SNTG2: variants seen among roughly 807,000 people sequenced by gnomAD.
SNTG2 encodes the protein gamma-2-syntrophin.
A neutral mutation model predicts 70.9 loss-of-function variants in SNTG2; 74 were observed. That is an observed-to-expected ratio of 1.04 (90% CI 0.86 to 1.27). The LOEUF is 1.27. Among genes scored for constraint, SNTG2 ranks in the 50% most tolerant of loss-of-function variants. SNTG2 has a pLI of 0.00. For synonymous variants in SNTG2, 278 were observed against 273.8 expected (o/e 1.02, Z -0.15); for missense variants, 717 against 690.7 (o/e 1.04, Z -0.43).
At chr2:1,154,220 T>C (rs74392810) in intron 6 of SNTG2, among the ~76,000 whole-genome samples, 4 of 151,918 alleles carry the variant, frequency 2.6e-5, no homozygotes, top group African/African-American at 9.7e-5. Context: ...CCATGGAGGC[T>C]GACATTAGGG....
chr2:1,213,377 GAGTT>G (rs1477601803), intron 9 of SNTG2, among the ~76,000 whole-genome samples: 2 of 152,108 alleles, frequency 1.3e-5, no homozygotes, highest in African/African-American at 4.8e-5. Flanking sequence ...CTATAAATAA[GAGTT>G]AGATTCTTAC....
Position 1,113,235 on chromosome 2 carries a change from C to G in SNTG2, c.325+14825C>G, listed in dbSNP as rs78523041. ...TGAGGATTAACCTTTACAGTCCTTTCAGAAGGATGGTGTGTACTAAGTGAG... is the reference window on the plus strand; with the variant it reads ...TGAGGATTAACCTTTACAGTCCTTTGAGAAGGATGGTGTGTACTAAGTGAG... On this transcript the variant is annotated intron_variant, in intron 4 of 16. Transcript: ENST00000308624. 3.6e-3 allele frequency among the ~76,000 whole-genome samples: 464 copies of G among 129,962 alleles called. 6 individuals are homozygous for G. Among genetic ancestry groups the G allele is most frequent in the African/African-American group, 0.013 (440 of 33,782 alleles). 85.3% of individuals were successfully genotyped at this position (129,962 alleles called of 152,430 possible). A position where few individuals can be genotyped will look rare whatever the true frequency, so the allele number is the denominator to read the frequency against.
At chr2:964,283 A>T (rs1205292549) in intron 1 of SNTG2, among the ~76,000 whole-genome samples, 1 of 152,170 alleles carries the variant, frequency 6.6e-6, no homozygotes, top group Non-Finnish European at 1.5e-5. Flanking sequence ...AGCATCTTTC[A>T]TTGACTTGTA....
intron 6 of SNTG2, among the ~76,000 whole-genome samples, chr2:1,141,613 C>G (rs952785159): frequency 3.9e-5 from 6 of 152,178 alleles, no homozygotes; most frequent in African/African-American, 1.2e-4. Flanking sequence ...TAAAATTTAC[C>G]TCCTCCACAT....
chr2:1,309,118 G>C (rs78873717), intron 15 of SNTG2, among the ~76,000 whole-genome samples: 12,280 of 152,222 alleles, frequency 0.081, 581 homozygotes, highest in Middle Eastern at 0.12. Flanking sequence ...CCTACTCTCT[G>C]TGTTAATTAA....
intron 4 of SNTG2, among the ~76,000 whole-genome samples, chr2:1,114,998 A>G (rs1218752227): frequency 2.6e-5 from 4 of 151,916 alleles, no homozygotes; most frequent in African/African-American, 7.3e-5. Context: ...TAATCCTTAC[A>G]GTCCTTTGAG....
At chr2:1,075,903 CA>C (rs761676042) in intron 1 of SNTG2, among the ~76,000 whole-genome samples, 9 of 152,354 alleles carry the variant, frequency 5.9e-5, no homozygotes, top group East Asian at 5.8e-4. Flanking sequence ...AATACCGTCT[CA>C]TTTACCCATT....
At chr2:1,363,978 C>CT (rs869156755) in intron 16 of SNTG2, among the ~76,000 whole-genome samples, 22 of 68,402 alleles carry the variant, frequency 3.2e-4, no homozygotes, top group African/African-American at 1.0e-3. Flanking sequence ...CTTTTATTTT[C>CT]TTTTTTTTTG....
intron 12 of SNTG2, among the ~76,000 whole-genome samples, chr2:1,258,098 C>T (rs1024220567): frequency 3.9e-5 from 6 of 152,120 alleles, no homozygotes; most frequent in Non-Finnish European, 7.3e-5. Flanking sequence ...TAGCATAAAA[C>T]ACTGGCCAGG....
At chr2:979,034 C>T (rs4524155) in intron 1 of SNTG2, among the ~76,000 whole-genome samples, 57,804 of 151,910 alleles carry the variant, frequency 0.38, 11,280 homozygotes, top group Middle Eastern at 0.47. Flanking sequence ...TTCTTAATCG[C>T]AATCTCCTAG....
chr2:1,227,526 T>C (rs543281368), intron 9 of SNTG2, among the ~76,000 whole-genome samples: 1 of 152,344 alleles, frequency 6.6e-6, no homozygotes, highest in Admixed American at 6.5e-5. Flanking sequence ...AGACAGCCTT[T>C]GAGCTCGTCC....
chr2:1,357,090 A>G (rs577302149), intron 16 of SNTG2, among the ~76,000 whole-genome samples: 4 of 152,290 alleles, frequency 2.6e-5, no homozygotes, highest in East Asian at 3.9e-4. Flanking sequence ...TTATCTACAT[A>G]TAAGATTATG....
At chr2:1,310,852 G>T (rs920878552) in intron 15 of SNTG2, among the ~76,000 whole-genome samples, 2 of 152,176 alleles carry the variant, frequency 1.3e-5, no homozygotes, top group African/African-American at 4.8e-5. Context: ...GCTATAATTT[G>T]TTTCTTAATG....
At chr2:1,034,504 T>C (rs540321247) in intron 1 of SNTG2, among the ~76,000 whole-genome samples, 1 of 152,348 alleles carries the variant, frequency 6.6e-6, no homozygotes, top group South Asian at 2.1e-4. Context: ...AAATGGTAGT[T>C]CTGTTTTTCA....
intron 1 of SNTG2, among the ~76,000 whole-genome samples, chr2:1,014,836 C>T (rs370298738): frequency 1.3e-5 from 2 of 152,132 alleles, no homozygotes; most frequent in South Asian, 2.1e-4. Flanking sequence ...GAATTTGCCT[C>T]GCTGGCTGCA....
At chr2:1,027,949 A>G (rs1034880261) in intron 1 of SNTG2, among the ~76,000 whole-genome samples, 4 of 148,014 alleles carry the variant, frequency 2.7e-5, no homozygotes, top group African/African-American at 5.0e-5. Flanking sequence ...TAACTCATGC[A>G]TCTCTGTTGA....
At chr2:1,247,559 G>C in intron 12 of SNTG2, 116 bp downstream of exon 12, 1 of 693,898 alleles carries the variant, frequency 1.4e-6, no homozygotes, top group South Asian at 1.8e-5. Flanking sequence ...TGGTCCTGCC[G>C]TTTGCTGTTT....
intron 2 of SNTG2, among the ~76,000 whole-genome samples, chr2:1,087,165 T>C (rs1664735574): frequency 6.6e-6 from 1 of 152,168 alleles, no homozygotes; most frequent in Admixed American, 6.5e-5. Flanking sequence ...GGCCGACAGA[T>C]AGCAGGAGGG....
chr2:1,326,748 A>G (rs1174188705), intron 16 of SNTG2, among the ~76,000 whole-genome samples: 1 of 152,208 alleles, frequency 6.6e-6, no homozygotes, highest in Non-Finnish European at 1.5e-5. Flanking sequence ...TTTTAATAAA[A>G]TCTTATAAAC....
Sources: gnomAD v4.1 joint callset for allele counts (sites outside exome capture counted in the v4.1 genomes callset) on GRCh38, gnomAD v4.1.1 for gene constraint, MANE v1.5 for transcripts, NCBI Gene and HGNC (gene_info 2026-07-23, HGNC 2026-07-21) for gene names.